The following TNPO1 variants were observed in gnomAD, a reference collection of about 807,000 sequenced individuals.
TNPO1 encodes the protein transportin-1.
Under a neutral mutation model 119.5 loss-of-function variants are expected in TNPO1, and 8 were observed. The observed-to-expected ratio is 0.07, with a 90% CI of 0.04 to 0.12. The LOEUF (loss-of-function observed/expected upper bound fraction) is 0.12, where lower values mean the gene tolerates loss of function less well. Ranked by LOEUF, TNPO1 falls within the 10% of genes least tolerant of loss-of-function variation. The pLI is 1.00. For missense variants in TNPO1, 576 were observed against 1,089.8 expected (o/e 0.53, Z 6.64); for synonymous variants, 362 against 363.0 (o/e 1.00, Z 0.03).
rs1750071600 is a variant in TNPO1, at chr5:72,905,361, A to G, written c.2648A>G (p.Gln883Arg). The G allele has an allele frequency of 6.2e-7, 1 of 1,612,152 alleles. No homozygotes were observed. Among genetic ancestry groups the G allele is most frequent in the Non-Finnish European group, 8.5e-7 (1 of 1,179,840 alleles). The change falls in exon 24 of 25, where the codon CAG (glutamine) becomes CGG (arginine). Residue 883 changes from glutamine (Q) to arginine (R), a missense_variant. This residue lies in a region of TNPO1 where 162 missense variants were observed against 294.1 expected (regional missense o/e 0.55). Transcript: ENST00000337273. Reference protein sequence around the residue: ...GDENWRRFSDQFPLPLKERLA... With the variant: ...GDENWRRFSDRFPLPLKERLA... ...GAAAATTGGAGGCGTTTCTCTGACCAGTTTCCTCTTCCCTTAAAAGAGCGT... is the reference window on the plus strand; with the variant it reads ...GAAAATTGGAGGCGTTTCTCTGACCGGTTTCCTCTTCCCTTAAAAGAGCGT...
intron 6 of TNPO1, among the ~76,000 whole-genome samples, chr5:72,871,131 C>T (rs1328021983): frequency 6.6e-6 from 1 of 152,094 alleles, no homozygotes; most frequent in Non-Finnish European, 1.5e-5. Flanking sequence ...CATGCACCAC[C>T]AGGCCCGGCT....
chr5:72,872,892 AACTT>A (rs905549107), intron 7 of TNPO1, among the ~76,000 whole-genome samples, 172 bp downstream of exon 7: 24 of 152,266 alleles, frequency 1.6e-4, no homozygotes, highest in African/African-American at 5.1e-4. Flanking sequence ...GGGATAGACT[AACTT>A]TTGTTAGCTG....
Position 72,884,441 on chromosome 5 carries a change from G to A in TNPO1, c.1150+1209G>A, listed in dbSNP as rs545145901. 1.3e-4 allele frequency among the ~76,000 whole-genome samples: 20 copies of A among 152,158 alleles called. No homozygotes were observed. The East Asian group carries it at 3.9e-3, about 29-fold the overall frequency. ...ATGAGTGTTTTCTGTCTGGTAATTT[G>A]CATGAAAATTGGCTATCATAGGTAA... On this transcript the variant is annotated intron_variant, in intron 11 of 24. Transcript: ENST00000337273.
At chr5:72,871,429 C>T (rs1201192648) in intron 6 of TNPO1, among the ~76,000 whole-genome samples, 3 of 152,040 alleles carry the variant, frequency 2.0e-5, no homozygotes, top group Admixed American at 2.0e-4. Flanking sequence ...AACTGCAGAA[C>T]CAAAAATCAA....
chr5:72,896,392 A>T (rs1749430693), intron 18 of TNPO1, 66 bp from the exon 19 acceptor site: 3 of 1,053,146 alleles, frequency 2.8e-6, no homozygotes, highest in Non-Finnish European at 4.1e-6. Flanking sequence ...CACCTAGTAG[A>T]TTTCCTTTAA....
chr5:72,840,637 T>C (rs2112216373), intron 1 of TNPO1, among the ~76,000 whole-genome samples: 1 of 152,320 alleles, frequency 6.6e-6, no homozygotes, highest in Middle Eastern at 3.4e-3. Context: ...TGGTTATAGA[T>C]TGGGTCAAAT....
Position 72,910,822 on chromosome 5 carries a change from T to A in TNPO1, c.*2149T>A, listed in dbSNP as rs1254348395. 6.6e-6 allele frequency: 1 copy of A among 150,942 alleles called. No homozygotes were observed. The highest frequency in any genetic ancestry group is 1.5e-5 in the Non-Finnish European group (1 of 67,686). 9.4% of individuals were successfully genotyped at this position (150,942 alleles called of 1,614,324 possible). A position where few individuals can be genotyped will look rare whatever the true frequency, so the allele number is the denominator to read the frequency against. ...GTGTGTGTTTTGTTTTGTTTTGTTC[T>A]GTTTTTTAACGTTCTTTCACCTTTC... On this transcript the variant is annotated 3_prime_UTR_variant, in exon 25 of 25. Transcript: ENST00000337273.
At chr5:72,859,395 G>A (rs549447404) in intron 4 of TNPO1, among the ~76,000 whole-genome samples, 54 of 152,298 alleles carry the variant, frequency 3.5e-4, no homozygotes, top group African/African-American at 1.3e-3. Context: ...GTCAGGGAGT[G>A]CCTGACTGAG....
chr5:72,896,413 A>C, intron 18 of TNPO1, 45 bp from the exon 19 acceptor site: 1 of 1,337,334 alleles, frequency 7.5e-7, no homozygotes. Flanking sequence ...AGTACAATAT[A>C]CTGCTATTGA....
At position 72,865,546 on chromosome 5, in the gene TNPO1, A is replaced by G. The variant is rs759644261; in HGVS notation, c.463-50A>G. On this transcript the variant is annotated intron_variant, in intron 5 of 24. Transcript: ENST00000337273. ...ATCAGCATTCTTCAGTTTGTTTTCAAATGGCTTCATTTTTAACAAATTCTG... is the reference window on the plus strand; with the variant it reads ...ATCAGCATTCTTCAGTTTGTTTTCAGATGGCTTCATTTTTAACAAATTCTG... The G allele has an allele frequency of 1.9e-6, 3 of 1,599,772 alleles. No homozygotes were observed. The South Asian group carries it at 3.4e-5, about 18-fold the overall frequency.
intron 6 of TNPO1, among the ~76,000 whole-genome samples, chr5:72,866,194 T>TCTCC (rs1249542965): frequency 6.6e-6 from 1 of 152,196 alleles, no homozygotes; most frequent in Non-Finnish European, 1.5e-5. Flanking sequence ...AGTTTGGCCC[T>TCTCC]CTCCCTCCCT....
rs35984748 is a variant in TNPO1, at chr5:72,912,884, AG to A, written c.*4215del. The A allele has an allele frequency of 6.6e-6, 1 of 152,500 alleles. No individual in the cohort carries two copies. Among genetic ancestry groups the A allele is most frequent in the Non-Finnish European group, 1.5e-5 (1 of 67,906 alleles). 9.4% of individuals were successfully genotyped at this position (152,500 alleles called of 1,614,324 possible). On this transcript the variant is annotated 3_prime_UTR_variant, in exon 25 of 25. Transcript: ENST00000337273. ...ATAATGGTGCAAAAGCATTCTTCCC[AG>A]GGGAAGAGTGTATCATGCATAACTG... is the stretch of plus-strand genomic sequence containing the variant.
rs1172582714 is a variant in TNPO1 at position 72,875,716 on chromosome 5, T to A, written c.780T>A (p.Pro260=). The part of the protein sequence containing the change: ...LLEVRMDRLL[P]HMHNIVEYML... ...AAGTTCGAATGGATCGCCTGCTTCCTCACATGCATAATATAGTTGAGGTAA... is the reference window on the plus strand; with the variant it reads ...AAGTTCGAATGGATCGCCTGCTTCCACACATGCATAATATAGTTGAGGTAA... Residue 260 remains proline, a synonymous_variant, in exon 8 of 25, where the codon CCT becomes CCA. Transcript: ENST00000337273. 34 of 1,612,470 alleles carry A rather than the reference T, an allele frequency of 2.1e-5. No homozygotes were observed. The Admixed American group carries it at 5.7e-4, about 27-fold the overall frequency.
intron 1 of TNPO1, among the ~76,000 whole-genome samples, chr5:72,821,819 GT>G (rs1743971473): frequency 1.3e-5 from 2 of 152,200 alleles, no homozygotes; most frequent in African/African-American, 4.8e-5. Flanking sequence ...ATTTCAGTGA[GT>G]GTGTCAGTAA....
intron 3 of TNPO1, among the ~76,000 whole-genome samples, chr5:72,851,771 G>A (rs751706104): frequency 4.6e-5 from 7 of 152,232 alleles, no homozygotes; most frequent in Non-Finnish European, 7.3e-5. Flanking sequence ...TCGGATTGCA[G>A]GTGTGAGCCA....
chr5:72,883,182 ATGATGATGATGAAAT>A lies in TNPO1; in HGVS notation c.1113_1127del (p.Glu371_Asp375del). ...GAAGATGGAATTGAAGAGGAAGATG[ATGATGATGATGAAAT>A]TGATGATGATGATACAATTTCTGAC... On this transcript the variant is annotated inframe_deletion, in exon 11 of 25. Coordinates refer to ENST00000337273, the MANE Select transcript of TNPO1 (RefSeq NM_002270.4). 2.5e-6 allele frequency: 4 copies of A among 1,594,054 alleles called. No individual in the cohort carries two copies. Among genetic ancestry groups the A allele is most frequent in the South Asian group, 1.1e-5 (1 of 90,730 alleles).
rs1179281353 is a variant in TNPO1 at position 72,896,525 on chromosome 5, A to G, written c.2211A>G (p.Thr737=). 7 of 1,611,750 alleles carry G rather than the reference A, an allele frequency of 4.3e-6. No individual in the cohort carries two copies. Among genetic ancestry groups the G allele is most frequent in the African/African-American group, 1.3e-5 (1 of 74,852 alleles). The part of the protein sequence containing the change: ...PEFISVCNNA[T]WAIGEISIQM... ...TCATTTCAGTCTGCAACAATGCCAC[A>G]TGGGCAATTGGAGAAATCTCCATTC... Residue 737 remains threonine, a synonymous_variant, in exon 19 of 25, where the codon ACA becomes ACG. Coordinates refer to ENST00000337273, the MANE Select transcript of TNPO1 (RefSeq NM_002270.4).
In TNPO1 at chr5:72,839,220, G is replaced by A. The variant is rs114920896; in HGVS notation, c.16-9165G>A. The stretch of plus-strand genomic sequence containing the variant: ...TAAATCCTATGATACTAAGAGAATC[G>A]GACCTAATTATTTTGATTAATTGGT... On this transcript the variant is annotated intron_variant, in intron 1 of 24. Transcript: ENST00000337273. Among the ~76,000 whole-genome samples the A allele has an allele frequency of 6.0e-3, 915 of 152,136 alleles. 6 individuals are homozygous for A. The highest frequency in any genetic ancestry group is 0.022 in the African/African-American group (895 of 41,510).
At position 72,893,256 on chromosome 5, in the gene TNPO1, T is replaced by C; in HGVS notation, c.1896+10T>C. On this transcript the variant is annotated intron_variant, in intron 16 of 24. Transcript: ENST00000337273. ...TCTTGCACAAGCCATGGTAATTTTTTTAAAATGTCTTCCTCTTCTTGACAT... is the reference window on the plus strand; with the variant it reads ...TCTTGCACAAGCCATGGTAATTTTTCTAAAATGTCTTCCTCTTCTTGACAT... 1 of 1,611,676 alleles carries C rather than the reference T, an allele frequency of 6.2e-7. No individual in the cohort carries two copies. Among genetic ancestry groups the C allele is most frequent in the Non-Finnish European group, 8.5e-7 (1 of 1,179,106 alleles).
Sources: allele counts gnomAD v4.1 joint callset (sites outside exome capture counted in the v4.1 genomes callset), GRCh38; gene constraint gnomAD v4.1.1; regional missense constraint gnomAD v4.1.1; transcripts MANE v1.5; gene names NCBI Gene and HGNC (gene_info 2026-07-23, HGNC 2026-07-21).